Variants in IL1RAPL1 observed in about 807,000 individuals in gnomAD.
The protein encoded by IL1RAPL1 is interleukin 1 receptor accessory protein like 1.
In IL1RAPL1, 3 loss-of-function variants were observed where a neutral mutation model predicts 48.4. The observed-to-expected ratio is 0.06, with a 90% CI of 0.03 to 0.16. IL1RAPL1 has a LOEUF of 0.16. Ranked by LOEUF, IL1RAPL1 falls within the 10% of genes least tolerant of loss-of-function variation. IL1RAPL1 has a pLI of 1.00. For missense variants in IL1RAPL1, 349 were observed against 530.6 expected (o/e 0.66, Z 3.36); for synonymous variants, 185 against 187.7 (o/e 0.99, Z 0.12).
chrX:29,864,147 C>G (rs758874373), intron 6 of IL1RAPL1, among the ~76,000 whole-genome samples: 3 of 112,467 alleles, frequency 2.7e-5, no homozygotes, highest in Non-Finnish European at 5.6e-5. Context: ...AACAAGTTTC[C>G]AGATGATCTT....
chrX:29,338,916 G>A (rs890368763), intron 3 of IL1RAPL1, among the ~76,000 whole-genome samples: 4 of 110,310 alleles, frequency 3.6e-5, no homozygotes, highest in African/African-American at 1.3e-4. Context: ...TTGATCACAC[G>A]CCCACGCTGG....
chrX:29,385,723 A>G (rs1021074027), intron 3 of IL1RAPL1, among the ~76,000 whole-genome samples: 9 of 112,753 alleles, frequency 8.0e-5, no homozygotes, highest in East Asian at 5.6e-4. Flanking sequence ...TATTGTATGC[A>G]TATACCACAC....
chrX:29,325,596 T>A lies in IL1RAPL1; in HGVS notation c.362+42379T>A, dbSNP rs756480213. Among the ~76,000 whole-genome samples the A allele has an allele frequency of 4.4e-5, 5 of 112,650 alleles. No individual in the cohort carries two copies. In the East Asian group the frequency reaches 1.4e-3, roughly 31 times the overall value. ...CATTCCACCATTATGTTCTTGGTGA[T>A]TTAAATGCCTATTTGGCTACTTACT... On this transcript the variant is annotated intron_variant, in intron 3 of 10. Coordinates refer to ENST00000378993, the MANE Select transcript of IL1RAPL1 (RefSeq NM_014271.4).
At chrX:29,245,171 A>G (rs770975074) in intron 2 of IL1RAPL1, among the ~76,000 whole-genome samples, 20 of 111,597 alleles carry the variant, frequency 1.8e-4, no homozygotes, top group Non-Finnish European at 3.0e-4. Flanking sequence ...TATCTGGTCT[A>G]TCATTGATGG....
intron 5 of IL1RAPL1, among the ~76,000 whole-genome samples, chrX:29,591,050 A>G (rs1401792719): frequency 1.8e-5 from 2 of 112,369 alleles, no homozygotes; most frequent in Non-Finnish European, 3.8e-5. Context: ...GGTAAAGGAC[A>G]CCAGAATATG....
intron 1 of IL1RAPL1, among the ~76,000 whole-genome samples, chrX:28,594,136 A>T (rs2146875031): frequency 8.9e-6 from 1 of 111,769 alleles, no homozygotes; most frequent in Admixed American, 9.6e-5. Context: ...TAAATAAAAG[A>T]TCCATATGTC....
chrX:29,302,013 C>T (rs1339024371), intron 3 of IL1RAPL1, among the ~76,000 whole-genome samples: 1 of 111,321 alleles, frequency 9.0e-6, no homozygotes, highest in Non-Finnish European at 1.9e-5. Flanking sequence ...CAAAGTGGTG[C>T]GTGGGAAAGA....
At chrX:29,243,216 G>A (rs758573373) in intron 2 of IL1RAPL1, among the ~76,000 whole-genome samples, 163 of 112,282 alleles carry the variant, frequency 1.5e-3, no homozygotes, top group African/African-American at 5.1e-3. Context: ...TTCATTTTGC[G>A]TTCATGCTTT....
At chrX:28,896,832 A>T (rs1035131604) in intron 2 of IL1RAPL1, among the ~76,000 whole-genome samples, 4 of 110,382 alleles carry the variant, frequency 3.6e-5, no homozygotes, top group African/African-American at 1.3e-4. Context: ...TAGGGAGGGA[A>T]CAATGTGTGA....
chrX:29,035,458 T>C lies in IL1RAPL1; in HGVS notation c.82+246033T>C, dbSNP rs770000676. 9.5e-4 allele frequency among the ~76,000 whole-genome samples: 106 copies of C among 111,689 alleles called. 1 individual carries two copies. The highest frequency in any genetic ancestry group is 3.4e-3 in the African/African-American group (104 of 30,753). ...TGATGTTTGTAATTATGATACCATT[T>C]AGAAAGAAAAAAGTTAGGTACCTAC... On this transcript the variant is annotated intron_variant, in intron 2 of 10. Transcript: ENST00000378993.
chrX:29,802,918 C>T (rs1490545826), intron 6 of IL1RAPL1, among the ~76,000 whole-genome samples: 27 of 43,329 alleles, frequency 6.2e-4, no homozygotes, highest in Non-Finnish European at 6.5e-4. Flanking sequence ...TATATGTGTA[C>T]ATATATACAT....
intron 2 of IL1RAPL1, among the ~76,000 whole-genome samples, chrX:29,072,256 ATTG>A (rs1376651392): frequency 3.6e-5 from 4 of 110,816 alleles, no homozygotes; most frequent in Non-Finnish European, 7.6e-5. Context: ...TCGACTCGTC[ATTG>A]TTGTTTTATA....
intron 1 of IL1RAPL1, among the ~76,000 whole-genome samples, chrX:28,779,657 TA>T: frequency 1.1e-5 from 1 of 87,405 alleles, no homozygotes; most frequent in Admixed American, 1.3e-4. Context: ...TATATATATA[TA>T]TATATATATA....
chrX:29,584,790 G>A (rs1923102748), intron 5 of IL1RAPL1, among the ~76,000 whole-genome samples: 1 of 111,834 alleles, frequency 8.9e-6, no homozygotes, highest in Admixed American at 9.5e-5. Flanking sequence ...CTGGACTCAA[G>A]CTATCATCCC....
chrX:29,227,309 C>CA (rs1159315134), intron 2 of IL1RAPL1, among the ~76,000 whole-genome samples: 95 of 94,740 alleles, frequency 1.0e-3, no homozygotes, highest in African/African-American at 2.6e-3. Context: ...GCCTCCTTTT[C>CA]AAAAAAAAAA....
chrX:28,777,113 T>C (rs1382950987), intron 1 of IL1RAPL1, among the ~76,000 whole-genome samples: 1 of 111,651 alleles, frequency 9.0e-6, no homozygotes, highest in African/African-American at 3.2e-5. Flanking sequence ...AATCAAGGCA[T>C]TGGCAGGGCT....
intron 2 of IL1RAPL1, among the ~76,000 whole-genome samples, chrX:29,236,338 G>T (rs1276758515): frequency 6.3e-5 from 7 of 110,686 alleles, no homozygotes; most frequent in Non-Finnish European, 1.9e-5. Flanking sequence ...TGGATTGGGG[G>T]ACTGACCGAC....
At chrX:28,833,721 T>G (rs755673223) in intron 2 of IL1RAPL1, among the ~76,000 whole-genome samples, 3 of 112,032 alleles carry the variant, frequency 2.7e-5, no homozygotes, top group Admixed American at 9.5e-5. Flanking sequence ...TTCTATAGAT[T>G]TCATGTACAA....
intron 6 of IL1RAPL1, among the ~76,000 whole-genome samples, chrX:29,692,519 A>G (rs1926801017): frequency 9.0e-6 from 1 of 111,167 alleles, no homozygotes; most frequent in Non-Finnish European, 1.9e-5. Context: ...TTACTGAATA[A>G]TTTTTCTAAT....
Sources: allele counts gnomAD v4.1 joint callset (sites outside exome capture counted in the v4.1 genomes callset), GRCh38; gene constraint gnomAD v4.1.1; transcripts MANE v1.5; gene names NCBI Gene and HGNC (gene_info 2026-07-23, HGNC 2026-07-21).